Variants in WNT7A observed in about 807,000 individuals in gnomAD.
The protein encoded by WNT7A is Wnt family member 7A.
WNT7A carries 16 observed loss-of-function variants against 28.2 expected under a neutral mutation model. The observed-to-expected ratio is 0.57, with a 90% CI of 0.38 to 0.86. WNT7A has a LOEUF of 0.86. Among genes scored for constraint, WNT7A ranks in the 40% least tolerant of loss-of-function variants. The pLI, the probability that WNT7A is intolerant of heterozygous loss-of-function variation, is 0.00. For missense variants in WNT7A, 411 were observed against 489.7 expected (o/e 0.84, Z 1.52); for synonymous variants, 190 against 195.9 (o/e 0.97, Z 0.25).
rs762422785 is a variant in WNT7A, at chr3:13,819,157, C to T, written c.837G>A (p.Glu279=). The part of the protein sequence containing the change: ...VYIEKSPNYC[E]EDPVTGSVGT... ...CCACACTGCCGGTCACCGGGTCCTC[C>T]TCGCAGTAGTTGGGCGACTTCTCGA... The change falls in exon 4 of 4, where the codon GAG becomes GAA. Residue 279 remains glutamate (E), a synonymous_variant. Coordinates refer to ENST00000285018, the MANE Select transcript of WNT7A (RefSeq NM_004625.4). The T allele has an allele frequency of 2.1e-5, 34 of 1,614,118 alleles. No individual in the cohort carries two copies. The Admixed American group carries it at 4.5e-4, about 21-fold the overall frequency.
intron 3 of WNT7A, among the ~76,000 whole-genome samples, chr3:13,834,804 C>T (rs373974480): frequency 3.3e-5 from 5 of 152,302 alleles, no homozygotes; most frequent in East Asian, 1.9e-4. Context: ...CCCTAGCTTG[C>T]GTCAAATGTG....
chr3:13,858,574 C>A (rs75131697), intron 2 of WNT7A, among the ~76,000 whole-genome samples: 7 of 152,126 alleles, frequency 4.6e-5, no homozygotes, highest in East Asian at 3.9e-4. Flanking sequence ...ATTTCACCCC[C>A]CCGAGCTCCA....
At chr3:13,825,695 A>G (rs990851213) in intron 3 of WNT7A, among the ~76,000 whole-genome samples, 2 of 152,170 alleles carry the variant, frequency 1.3e-5, no homozygotes, top group Admixed American at 1.3e-4. Context: ...GGGGCCCTGC[A>G]TCTGGGGACC....
chr3:13,848,004 A>G (rs1234004636), intron 3 of WNT7A, among the ~76,000 whole-genome samples: 1 of 152,238 alleles, frequency 6.6e-6, no homozygotes, highest in African/African-American at 2.4e-5. Flanking sequence ...AAAAATAAAT[A>G]AAAACGTAAC....
In WNT7A at chr3:13,819,193, G is replaced by T. The variant is rs756436445; in HGVS notation, c.801C>A (p.Asp267Glu). The change falls in exon 4 of 4, where the codon GAC becomes GAA. Residue 267 changes from aspartate to glutamate, a missense_variant. Transcript: ENST00000285018. ...TGGGCGACTTCTCGATGTACACCAGGTCCGTGTCCATGGGCTTGCGGTACG... is the reference window on the plus strand; with the variant it reads ...TGGGCGACTTCTCGATGTACACCAGTTCCGTGTCCATGGGCTTGCGGTACG... ...PLSYRKPMDT[D>E]LVYIEKSPNY... 9 of 1,614,136 alleles carry T rather than the reference G, an allele frequency of 5.6e-6. No individual in the cohort carries two copies. The highest frequency in any genetic ancestry group is 2.7e-5 in the African/African-American group (2 of 74,950).
At chr3:13,840,756 C>T (rs1187815174) in intron 3 of WNT7A, among the ~76,000 whole-genome samples, 1 of 152,088 alleles carries the variant, frequency 6.6e-6, no homozygotes, top group Admixed American at 6.5e-5. Context: ...CTTCCCATTA[C>T]TATCTATCTA....
At position 13,879,796 on chromosome 3, in the gene WNT7A, G is replaced by C; in HGVS notation, c.21C>G (p.Arg7=). 1.2e-6 allele frequency: 2 copies of C among 1,612,198 alleles called. No homozygotes were observed. The highest frequency in any genetic ancestry group is 1.7e-6 in the Non-Finnish European group (2 of 1,179,034). ...GGCTGAGAAAGAGGTGGCCCAGGCA[G>C]CGCCGCGCTTTCCGGTTCATAGTCC... MNRKAR[R]CLGHLFLSLG... is the part of the protein sequence containing the mutation. The change falls in exon 1 of 4, where the codon CGC becomes CGG. Residue 7 remains arginine (R), a synonymous_variant. Coordinates refer to ENST00000285018, the MANE Select transcript of WNT7A (RefSeq NM_004625.4).
intron 3 of WNT7A, among the ~76,000 whole-genome samples, chr3:13,850,278 A>G (rs1575067317): frequency 6.6e-6 from 1 of 152,138 alleles, no homozygotes; most frequent in East Asian, 1.9e-4. Context: ...CTATCTGGTC[A>G]AATATGCAAG....
intron 3 of WNT7A, among the ~76,000 whole-genome samples, chr3:13,844,430 G>A (rs1162605769): frequency 6.6e-6 from 1 of 152,206 alleles, no homozygotes; most frequent in Admixed American, 6.5e-5. Flanking sequence ...CTGGGAATCT[G>A]TCCCTTCCCC....
At chr3:13,827,589 G>A (rs1215856318) in intron 3 of WNT7A, among the ~76,000 whole-genome samples, 1 of 152,084 alleles carries the variant, frequency 6.6e-6, no homozygotes, top group African/African-American at 2.4e-5. Context: ...TTCTGGGCCT[G>A]TCCCAGACCC....
chr3:13,826,773 C>A (rs1347889288), intron 3 of WNT7A, among the ~76,000 whole-genome samples: 2 of 152,112 alleles, frequency 1.3e-5, no homozygotes, highest in Non-Finnish European at 2.9e-5. Context: ...AAATTGATTG[C>A]AAAATCACAG....
chr3:13,876,178 G>A (rs1000558918), intron 1 of WNT7A, among the ~76,000 whole-genome samples: 1 of 152,188 alleles, frequency 6.6e-6, no homozygotes, highest in Non-Finnish European at 1.5e-5. Context: ...GCATCTGTGG[G>A]AAGATCTGGA....
At chr3:13,841,112 T>C (rs553625735) in intron 3 of WNT7A, among the ~76,000 whole-genome samples, 72 of 152,226 alleles carry the variant, frequency 4.7e-4, no homozygotes, top group African/African-American at 1.6e-3. Context: ...ATGAACACAA[T>C]CAGGGAATAC....
chr3:13,820,796 A>C (rs968995096), intron 3 of WNT7A, among the ~76,000 whole-genome samples: 10 of 152,110 alleles, frequency 6.6e-5, no homozygotes, highest in Non-Finnish European at 1.2e-4. Context: ...TGGTCAACAG[A>C]ACCACCAGGG....
chr3:13,861,605 AAAGAAGG>A (rs1694832345), intron 2 of WNT7A, among the ~76,000 whole-genome samples: 1 of 152,186 alleles, frequency 6.6e-6, no homozygotes. Context: ...CTCTAGGGGC[AAAGAAGG>A]CATCAGGCCA....
chr3:13,879,730 C>A lies in WNT7A; in HGVS notation c.71+16G>T, dbSNP rs754730379. ...TTTGTCGAAACACGCGCGGAAAGGGCGCAGGCAGCCCTTACCCGATCCGGA... is the reference window on the plus strand; with the variant it reads ...TTTGTCGAAACACGCGCGGAAAGGGAGCAGGCAGCCCTTACCCGATCCGGA... On this transcript the variant is annotated intron_variant, in intron 1 of 3. Transcript: ENST00000285018. The A allele has an allele frequency of 8.1e-6, 13 of 1,610,426 alleles. No homozygotes were observed. Among genetic ancestry groups the A allele is most frequent in the African/African-American group, 1.3e-5 (1 of 74,850 alleles).
intron 2 of WNT7A, among the ~76,000 whole-genome samples, chr3:13,860,417 G>A (rs762118897): frequency 9.2e-5 from 14 of 152,178 alleles, no homozygotes; most frequent in Non-Finnish European, 1.8e-4. Flanking sequence ...CTTCTAAAAC[G>A]AGATGGCATT....
chr3:13,850,398 G>A lies in WNT7A; in HGVS notation c.570+4134C>T, dbSNP rs576505076. Among the ~76,000 whole-genome samples the A allele has an allele frequency of 1.2e-3, 189 of 152,300 alleles. 1 individual carries two copies. The highest frequency in any genetic ancestry group is 4.2e-3 in the African/African-American group (176 of 41,568). ...TCCCCTGACTCACAGGCCTGCCTGC[G>A]GCCAGGGCAGGGGTGGGAATCCAGC... On this transcript the variant is annotated intron_variant, in intron 3 of 3. Transcript: ENST00000285018.
chr3:13,828,508 C>T (rs145040381), intron 3 of WNT7A, among the ~76,000 whole-genome samples: 72 of 152,340 alleles, frequency 4.7e-4, no homozygotes, highest in African/African-American at 1.6e-3. Context: ...CTAACTGCAA[C>T]AGAAATCCTT....
Sources: allele counts gnomAD v4.1 joint callset (sites outside exome capture counted in the v4.1 genomes callset), GRCh38; gene constraint gnomAD v4.1.1; transcripts MANE v1.5; gene names NCBI Gene and HGNC (gene_info 2026-07-23, HGNC 2026-07-21).